The following FRRS1 variants were observed in gnomAD, a reference collection of about 807,000 sequenced individuals.
FRRS1 encodes ferric reductase 1.
Under a neutral mutation model 70.7 loss-of-function variants are expected in FRRS1, and 51 were observed. The ratio of observed to expected loss-of-function variants is 0.72; its 90% CI spans 0.58 to 0.91. FRRS1 has a LOEUF of 0.91. Among genes scored for constraint, FRRS1 ranks in the 40% least tolerant of loss-of-function variants. The probability of loss-of-function intolerance (pLI) is 0.00; values close to 1 mark genes in which losing one functional copy is unlikely to be tolerated. For synonymous variants in FRRS1, 225 were observed against 238.7 expected, an observed-to-expected ratio of 0.94 and a Z score of 0.53; for missense variants, 672 against 726.0, an observed-to-expected ratio of 0.93 and a Z score of 0.86.
chr1:99,754,779 C>G (rs939910577), intron 1 of FRRS1, among the ~76,000 whole-genome samples: 1 of 152,180 alleles, frequency 6.6e-6, no homozygotes, highest in Non-Finnish European at 1.5e-5. Flanking sequence ...CAGCATTAAA[C>G]ACATATATAG....
chr1:99,722,450 T>C (rs1303683613), intron 9 of FRRS1, among the ~76,000 whole-genome samples: 1 of 152,128 alleles, frequency 6.6e-6, no homozygotes, highest in African/African-American at 2.4e-5. Context: ...CCAAAATCAC[T>C]TATGAATATA....
At chr1:99,730,664 C>A (rs142832633) in intron 7 of FRRS1, among the ~76,000 whole-genome samples, 1,573 of 152,070 alleles carry the variant, frequency 0.01, 9 homozygotes, top group Non-Finnish European at 0.017. Flanking sequence ...TCAGGAGATC[C>A]AGACCATCCT....
intron 9 of FRRS1, among the ~76,000 whole-genome samples, chr1:99,722,893 G>A (rs1371952595): frequency 6.6e-6 from 1 of 152,122 alleles, no homozygotes; most frequent in African/African-American, 2.4e-5. Flanking sequence ...GCCATTATTT[G>A]CACAGGATAT....
rs896786164 is a variant in FRRS1, at chr1:99,756,567, A to G, written c.-105-7566T>C. Among the ~76,000 whole-genome samples, 11 of 152,312 alleles carry G rather than the reference A, an allele frequency of 7.2e-5. No individual in the cohort carries two copies. In the East Asian group the frequency reaches 2.1e-3, roughly 29 times the overall value. ...TTAATAAAGAGAATATATTTATTAC[A>G]AAGTAAAAATTCAGACAAAACTAGA... is the stretch of plus-strand genomic sequence containing the variant. On this transcript the variant is annotated intron_variant, in intron 1 of 16. Coordinates refer to ENST00000646001, the MANE Select transcript of FRRS1 (RefSeq NM_001361041.2).
Position 99,711,052 on chromosome 1 carries a change from T to C in FRRS1, c.1481-103A>G, listed in dbSNP as rs1437711190. The C allele has an allele frequency of 1.7e-5, 17 of 991,946 alleles. No individual in the cohort carries two copies. The Middle Eastern group carries it at 1.2e-3, about 67-fold the overall frequency. 61.4% of individuals were successfully genotyped at this position (991,946 alleles called of 1,614,324 possible). On this transcript the variant is annotated intron_variant, in intron 14 of 16. Coordinates refer to ENST00000646001, the MANE Select transcript of FRRS1 (RefSeq NM_001361041.2). ...ATCAAGTAAAACATACTAAAAGAGT[T>C]TGAGATAAAAGAAGATTAATATCTA...
chr1:99,739,345 C>G (rs376517364), intron 6 of FRRS1, among the ~76,000 whole-genome samples: 1 of 152,158 alleles, frequency 6.6e-6, no homozygotes, highest in Non-Finnish European at 1.5e-5. Flanking sequence ...TACGGAAAGA[C>G]AACAATATTG....
At chr1:99,746,138 C>G (rs1656252608) in intron 4 of FRRS1, among the ~76,000 whole-genome samples, 1 of 152,164 alleles carries the variant, frequency 6.6e-6, no homozygotes, top group Non-Finnish European at 1.5e-5. Flanking sequence ...GACAATGCCC[C>G]TGCTACCCAG....
chr1:99,735,104 A>G (rs756715434), intron 7 of FRRS1, among the ~76,000 whole-genome samples: 1 of 152,224 alleles, frequency 6.6e-6, no homozygotes, highest in African/African-American at 2.4e-5. Context: ...TGTGACTTTA[A>G]GCAAAACAAC....
intron 10 of FRRS1, among the ~76,000 whole-genome samples, chr1:99,718,934 A>G (rs1032552996): frequency 1.3e-5 from 2 of 152,164 alleles, no homozygotes; most frequent in Non-Finnish European, 2.9e-5. Context: ...AGTTTTTCAA[A>G]ATTATAGATG....
At chr1:99,739,702 C>T (rs1269010184) in intron 6 of FRRS1, among the ~76,000 whole-genome samples, 8 of 152,160 alleles carry the variant, frequency 5.3e-5, no homozygotes, top group African/African-American at 1.9e-4. Context: ...AGAAAACTTA[C>T]ATTCATTATT....
At position 99,728,489 on chromosome 1, in the gene FRRS1, T is replaced by A; in HGVS notation, c.1006+4A>T. ...TTGAAAAGACAGCTTAACAATATAC[T>A]TACCATCATTAGCTGCACCATCTGC... On this transcript the variant is annotated splice_donor_region_variant and intron_variant, in intron 9 of 16. Coordinates refer to ENST00000646001, the MANE Select transcript of FRRS1 (RefSeq NM_001361041.2). The A allele has an allele frequency of 6.2e-7, 1 of 1,606,718 alleles. No individual in the cohort carries two copies. The highest frequency in any genetic ancestry group is 8.5e-7 in the Non-Finnish European group (1 of 1,174,504).
chr1:99,764,089 T>G (rs1657245101), intron 1 of FRRS1, among the ~76,000 whole-genome samples: 1 of 152,092 alleles, frequency 6.6e-6, no homozygotes, highest in African/African-American at 2.4e-5. Context: ...ATTGAGTGCA[T>G]TCTAGGAGGT....
In FRRS1 at chr1:99,753,537, G is replaced by C. The variant is rs1319691368; in HGVS notation, c.-105-4536C>G. ...AATCCCAACACTTCGGGAGGCTGAG[G>C]CGGGTGGATCACGAGGTCAAGAGAT... On this transcript the variant is annotated intron_variant, in intron 1 of 16. Transcript: ENST00000646001. Among the ~76,000 whole-genome samples the C allele has an allele frequency of 2.6e-5, 4 of 152,214 alleles. No individual in the cohort carries two copies. In the East Asian group the frequency reaches 7.7e-4, roughly 29 times the overall value.
intron 7 of FRRS1, among the ~76,000 whole-genome samples, chr1:99,733,722 C>T (rs1039837469): frequency 2.6e-5 from 4 of 152,180 alleles, no homozygotes; most frequent in African/African-American, 9.7e-5. Flanking sequence ...AGAATGCCAG[C>T]TAATAAGTAA....
intron 7 of FRRS1, among the ~76,000 whole-genome samples, chr1:99,733,578 C>A (rs759632399): frequency 1.3e-5 from 2 of 152,106 alleles, no homozygotes; most frequent in African/African-American, 4.8e-5. Flanking sequence ...GCCGAATTGG[C>A]GTCAGTATGA....
chr1:99,744,348 G>C (rs1656129367), intron 4 of FRRS1, among the ~76,000 whole-genome samples: 1 of 152,180 alleles, frequency 6.6e-6, no homozygotes, highest in Non-Finnish European at 1.5e-5. Context: ...TGATAATTTA[G>C]AATAAAAGTT....
intron 9 of FRRS1, among the ~76,000 whole-genome samples, chr1:99,728,089 T>C (rs1257816150): frequency 2.6e-5 from 4 of 152,224 alleles, no homozygotes; most frequent in Non-Finnish European, 5.9e-5. Context: ...ATGAGATTCA[T>C]ATTGGGCAAG....
chr1:99,730,293 A>T (rs1655291348), intron 7 of FRRS1, among the ~76,000 whole-genome samples: 1 of 152,182 alleles, frequency 6.6e-6, no homozygotes, highest in African/African-American at 2.4e-5. Context: ...TAGTGTACAT[A>T]TTCAATAGAT....
At chr1:99,728,205 G>A (rs1432625357) in intron 9 of FRRS1, among the ~76,000 whole-genome samples, 4 of 152,156 alleles carry the variant, frequency 2.6e-5, no homozygotes, top group South Asian at 2.1e-4. Flanking sequence ...GCCCAAATAC[G>A]TGGCTTCTTA....
Sources: allele counts gnomAD v4.1 joint callset (sites outside exome capture counted in the v4.1 genomes callset), GRCh38; gene constraint gnomAD v4.1.1; transcripts MANE v1.5; gene names NCBI Gene and HGNC (gene_info 2026-07-23, HGNC 2026-07-21).